GABRG1: variants seen among roughly 807,000 people sequenced by gnomAD.
GABRG1 encodes gamma-aminobutyric acid type A receptor subunit gamma1, also known as gamma-aminobutyric acid receptor subunit gamma-1.
Under a neutral mutation model 49.8 loss-of-function variants are expected in GABRG1, and 49 were observed. The observed-to-expected ratio is 0.98, with a 90% CI of 0.78 to 1.25. The LOEUF is 1.25. Ranked by LOEUF, GABRG1 falls within the 50% of genes most tolerant of loss-of-function variation. GABRG1 has a pLI of 0.00. For synonymous variants in GABRG1, 232 were observed against 185.1 expected (o/e 1.25, Z -2.06); for missense variants, 552 against 552.3 (o/e 1.00, Z 0.01).
chr4:46,066,440 C>T (rs1024093393), intron 3 of GABRG1, among the ~76,000 whole-genome samples: 36 of 152,312 alleles, frequency 2.4e-4, no homozygotes, highest in African/African-American at 8.2e-4. Context: ...TTTATTGCAA[C>T]TCTGTGAAAT....
chr4:46,058,615 G>T lies in GABRG1; in HGVS notation c.633C>A (p.Tyr211Ter), dbSNP rs568991486. 2 of 1,611,218 alleles carry T rather than the reference G, an allele frequency of 1.2e-6. No individual in the cohort carries two copies. Among genetic ancestry groups the T allele is most frequent in the African/African-American group, 1.3e-5 (1 of 74,754 alleles). The change falls in exon 6 of 9, where the codon TAC becomes TAA. Residue 211 changes from tyrosine (Y) to a stop codon, truncating the protein, a stop_gained. Coordinates refer to ENST00000295452, the MANE Select transcript of GABRG1 (RefSeq NM_173536.4). LOFTEE classifies it high-confidence loss of function. ...SCPLEFSSYG[Y>*]PKNEIEYKWK... ...ACTTATACTCAATTTCATTTTTAGG[G>T]TATCCATCTATAGAGAAAAAATACA... is the stretch of plus-strand genomic sequence containing the variant.
At position 46,058,492 on chromosome 4, in the gene GABRG1, C is replaced by T. The variant is rs139933358; in HGVS notation, c.756G>A (p.Thr252=). The T allele has an allele frequency of 1.6e-5, 26 of 1,612,258 alleles. No individual in the cohort carries two copies. Among genetic ancestry groups the T allele is most frequent in the South Asian group, 3.3e-5 (3 of 90,754 alleles). The change falls in exon 6 of 9, where the codon ACG becomes ACA. Residue 252 remains threonine (T), a synonymous_variant. Transcript: ENST00000295452. ...GLRNSTEITH[T]ISGDYVIMTI... is the part of the protein sequence containing the mutation. ...TTTGAGTATTCTTTTTACCAGAGAT[C>T]GTGTGAGTGATTTCAGTTGAGTTCC...
chr4:46,050,230 A>G (rs1302680506), intron 8 of GABRG1, among the ~76,000 whole-genome samples: 1 of 151,940 alleles, frequency 6.6e-6, no homozygotes, highest in Non-Finnish European at 1.5e-5. Flanking sequence ...GTCACTGGCT[A>G]ATTCTACAAT....
chr4:46,076,689 C>A (rs1560360939), intron 3 of GABRG1, among the ~76,000 whole-genome samples: 1 of 151,376 alleles, frequency 6.6e-6, no homozygotes, highest in Non-Finnish European at 1.5e-5. Context: ...TGCCCTGAGG[C>A]CAGAATTACC....
intron 3 of GABRG1, 48 bp from the exon 4 acceptor site, chr4:46,065,632 G>A (rs1434609905): frequency 1.1e-6 from 1 of 876,598 alleles, no homozygotes; most frequent in Non-Finnish European, 1.8e-6. Flanking sequence ...TACTATTTTA[G>A]TTGTTTTTCT....
Position 46,040,968 on chromosome 4 carries a change from T to G in GABRG1, c.*20A>C, listed in dbSNP as rs1717749044. The G allele has an allele frequency of 3.1e-6, 5 of 1,593,920 alleles. No individual in the cohort carries two copies. Among genetic ancestry groups the G allele is most frequent in the Non-Finnish European group, 3.4e-6 (4 of 1,170,470 alleles). On this transcript the variant is annotated 3_prime_UTR_variant, in exon 9 of 9. Transcript: ENST00000295452. ...TGAATTTAGTCAGACTTCTTTTGAT[T>G]TTTGCTTATGAAGTAGATTTTATAA... is the stretch of plus-strand genomic sequence containing the variant.
intron 1 of GABRG1, among the ~76,000 whole-genome samples, chr4:46,115,720 T>A (rs140166936): frequency 8.6e-5 from 13 of 150,906 alleles, no homozygotes; most frequent in African/African-American, 2.9e-4. Flanking sequence ...TCTTCAAAAT[T>A]ACATCTAAAA....
At chr4:46,094,691 A>C (rs931380838) in intron 2 of GABRG1, among the ~76,000 whole-genome samples, 4 of 151,920 alleles carry the variant, frequency 2.6e-5, no homozygotes, top group African/African-American at 9.7e-5. Context: ...GAAAAGAAGA[A>C]TCAATGAATT....
intron 1 of GABRG1, among the ~76,000 whole-genome samples, chr4:46,111,789 C>T (rs191998178): frequency 2.0e-4 from 30 of 151,102 alleles, no homozygotes; most frequent in African/African-American, 5.6e-4. Context: ...GCTAGCCATA[C>T]GAAGAAGACT....
chr4:46,038,287 A>G lies in GABRG1; in HGVS notation c.*2701T>C, dbSNP rs575773607. ...TGTCCATGGAATTCGAAGATAAATA[A>G]AATATTACCCTGTCATTGTAAATCC... is the stretch of plus-strand genomic sequence containing the variant. On this transcript the variant is annotated 3_prime_UTR_variant, in exon 9 of 9. Coordinates refer to ENST00000295452, the MANE Select transcript of GABRG1 (RefSeq NM_173536.4). 23 of 151,662 alleles carry G rather than the reference A, an allele frequency of 1.5e-4. No individual in the cohort carries two copies. The highest frequency in any genetic ancestry group is 2.8e-4 in the Non-Finnish European group (19 of 67,716). The allele number at this position is 151,662 out of a possible 1,614,324, so 9.4% of individuals were successfully genotyped here.
intron 5 of GABRG1, among the ~76,000 whole-genome samples, chr4:46,063,735 G>C (rs1718800957): frequency 6.6e-6 from 1 of 152,000 alleles, no homozygotes; most frequent in Non-Finnish European, 1.5e-5. Flanking sequence ...CCATCAGAGT[G>C]AACAGGCAAC....
chr4:46,073,869 A>C (rs1393977885), intron 3 of GABRG1, among the ~76,000 whole-genome samples: 1 of 152,104 alleles, frequency 6.6e-6, no homozygotes, highest in East Asian at 1.9e-4. Flanking sequence ...CCTTCTTTTC[A>C]AAATATCTTA....
intron 3 of GABRG1, among the ~76,000 whole-genome samples, chr4:46,065,823 C>T (rs1014076837): frequency 3.9e-5 from 6 of 151,968 alleles, no homozygotes; most frequent in South Asian, 4.2e-4. Context: ...CCCGGGTTCA[C>T]GCCATTCTCC....
At chr4:46,078,825 A>T (rs538938050) in intron 3 of GABRG1, among the ~76,000 whole-genome samples, 84 of 152,064 alleles carry the variant, frequency 5.5e-4, no homozygotes, top group South Asian at 8.3e-4. Context: ...AAATTAAAAA[A>T]TTTTTTGAAT....
chr4:46,072,817 T>A (rs1267877205), intron 3 of GABRG1, among the ~76,000 whole-genome samples: 2 of 149,904 alleles, frequency 1.3e-5, no homozygotes, highest in African/African-American at 5.1e-5. Context: ...TTTAATTAAG[T>A]GAGATATAAT....
Position 46,097,263 on chromosome 4 carries a change from A to T in GABRG1, c.191T>A (p.Ile64Asn). Residue 64 changes from isoleucine (I) to asparagine (N), a missense_variant, in exon 2 of 9, where the codon ATC (isoleucine) becomes AAC (asparagine). Coordinates refer to ENST00000295452, the MANE Select transcript of GABRG1 (RefSeq NM_173536.4). The stretch of plus-strand genomic sequence containing the variant: ...AAGCAATGAATTCAGAATTTGTGTG[A>T]TATCTCCTTCATGAATTTTTGGGGC... ...VLAPKIHEGD[I>N]TQILNSLLQG... The T allele has an allele frequency of 2.5e-6, 4 of 1,611,186 alleles. No homozygotes were observed. Among genetic ancestry groups the T allele is most frequent in the Non-Finnish European group, 3.4e-6 (4 of 1,178,164 alleles).
At chr4:46,087,863 G>C (rs557245819) in intron 2 of GABRG1, among the ~76,000 whole-genome samples, 13 of 152,062 alleles carry the variant, frequency 8.5e-5, no homozygotes, top group African/African-American at 3.1e-4. Context: ...GTTACATTTA[G>C]ATATATGTGG....
At chr4:46,078,526 C>A (rs1719443842) in intron 3 of GABRG1, among the ~76,000 whole-genome samples, 1 of 151,814 alleles carries the variant, frequency 6.6e-6, no homozygotes, top group South Asian at 2.1e-4. Context: ...AAGAGATCAG[C>A]CTATGGAATG....
intron 1 of GABRG1, among the ~76,000 whole-genome samples, chr4:46,113,250 A>G (rs562626075): frequency 6.6e-6 from 1 of 151,278 alleles, no homozygotes; most frequent in East Asian, 2.0e-4. Flanking sequence ...ACAGTTCAGT[A>G]TAACTGGGAA....
Sources: gnomAD v4.1 joint callset for allele counts (sites outside exome capture counted in the v4.1 genomes callset) on GRCh38, gnomAD v4.1.1 for gene constraint, MANE v1.5 for transcripts, NCBI Gene and HGNC (gene_info 2026-07-23, HGNC 2026-07-21) for gene names.